RAD51B: variants seen among roughly 807,000 people sequenced by gnomAD.
RAD51B encodes the protein DNA repair protein RAD51 homolog 2.
A neutral mutation model predicts 42.2 loss-of-function variants in RAD51B; 38 were observed. That is an observed-to-expected ratio of 0.90 (90% confidence interval 0.70 to 1.18). RAD51B has a LOEUF of 1.18. Ranked by LOEUF, RAD51B falls within the 50% of genes most tolerant of loss-of-function variation. RAD51B has a pLI of 0.00. For synonymous variants in RAD51B, 154 were observed against 145.2 expected (o/e 1.06, Z -0.43); for missense variants, 373 against 400.7 (o/e 0.93, Z 0.59).
chr14:68,015,629 T>C (rs1203426384), intron 7 of RAD51B, among the ~76,000 whole-genome samples: 2 of 152,104 alleles, frequency 1.3e-5, no homozygotes, highest in Non-Finnish European at 2.9e-5. Flanking sequence ...GAGAACAGCA[T>C]GGGAAAAAAC....
chr14:68,286,166 T>G (rs2081411748), intron 7 of RAD51B, among the ~76,000 whole-genome samples: 1 of 152,200 alleles, frequency 6.6e-6, no homozygotes, highest in African/African-American at 2.4e-5. Flanking sequence ...TTCTCTCTCT[T>G]CTCCTGTGTC....
At position 68,663,788 on chromosome 14, in the gene RAD51B, T is replaced by C. The variant is rs1892981882; in HGVS notation, c.*11+12932T>C. ...TGGTCTAACTAACCAGGATTGAACT[T>C]GATTTCCACCGCTTTCCAGCTATAG... is the stretch of plus-strand genomic sequence containing the variant. On this transcript the variant is annotated intron_variant, in intron 11 of 11. Transcript: ENST00000488612. 2.6e-5 allele frequency among the ~76,000 whole-genome samples: 4 copies of C among 152,224 alleles called. No homozygotes were observed. The South Asian group carries it at 8.3e-4, about 32-fold the overall frequency.
At chr14:68,633,708 G>A (rs56306652) in intron 10 of RAD51B, among the ~76,000 whole-genome samples, 1 of 152,256 alleles carries the variant, frequency 6.6e-6, no homozygotes. Context: ...TCCTGAAGCA[G>A]GGAAGCCTGT....
At position 68,655,865 on chromosome 14, in the gene RAD51B, C is replaced by T. The variant is rs558882105; in HGVS notation, c.*11+5009C>T. On this transcript the variant is annotated intron_variant, in intron 11 of 11. Transcript: ENST00000488612. ...GCTAGTGGCTGGCTAAGGAGGAAATCGAGACTATAATTTCCCAGCCTCTAC... is the reference window on the plus strand; with the variant it reads ...GCTAGTGGCTGGCTAAGGAGGAAATTGAGACTATAATTTCCCAGCCTCTAC... Among the ~76,000 whole-genome samples, 5 of 152,272 alleles carry T rather than the reference C, an allele frequency of 3.3e-5. No homozygotes were observed. In the East Asian group the frequency reaches 7.7e-4, roughly 23 times the overall value.
chr14:68,498,654 C>T (rs1478946892), intron 10 of RAD51B, among the ~76,000 whole-genome samples: 2 of 152,178 alleles, frequency 1.3e-5, no homozygotes, highest in African/African-American at 4.8e-5. Flanking sequence ...TTCATAGATG[C>T]TCTTGAAGGG....
intron 7 of RAD51B, among the ~76,000 whole-genome samples, chr14:68,006,107 G>A (rs1329908098): frequency 6.6e-6 from 1 of 152,138 alleles, no homozygotes; most frequent in African/African-American, 2.4e-5. Flanking sequence ...CTTCCACCAG[G>A]CCCCACCTCC....
intron 7 of RAD51B, among the ~76,000 whole-genome samples, chr14:68,242,662 T>C (rs2080415456): frequency 6.6e-6 from 1 of 152,206 alleles, no homozygotes; most frequent in Non-Finnish European, 1.5e-5. Flanking sequence ...AAGAATAATA[T>C]TATAGCCACA....
At chr14:68,125,744 G>GT (rs1401279096) in intron 7 of RAD51B, among the ~76,000 whole-genome samples, 11 of 143,220 alleles carry the variant, frequency 7.7e-5, no homozygotes, top group African/African-American at 3.0e-4. Context: ...AGAGGTTTTT[G>GT]TTTTGTTTTG....
chr14:67,899,255 T>C (rs367954025), intron 7 of RAD51B, among the ~76,000 whole-genome samples: 3 of 151,844 alleles, frequency 2.0e-5, no homozygotes, highest in Non-Finnish European at 4.4e-5. Flanking sequence ...TTCACCATGT[T>C]AGCCAGGATG....
At chr14:68,401,513 C>A (rs1402111036) in intron 8 of RAD51B, among the ~76,000 whole-genome samples, 1 of 152,176 alleles carries the variant, frequency 6.6e-6, no homozygotes, top group Non-Finnish European at 1.5e-5. Flanking sequence ...TGCCTCACTT[C>A]TTCCTGTCTT....
chr14:68,087,451 A>G (rs2077001929), intron 7 of RAD51B, among the ~76,000 whole-genome samples: 3 of 152,184 alleles, frequency 2.0e-5, no homozygotes, highest in Non-Finnish European at 4.4e-5. Flanking sequence ...TGACTGGTCT[A>G]TATGATGGAT....
chr14:68,065,947 C>A (rs549051167), intron 7 of RAD51B, among the ~76,000 whole-genome samples: 6 of 152,062 alleles, frequency 3.9e-5, no homozygotes, highest in African/African-American at 1.4e-4. Flanking sequence ...ATATCAGAAG[C>A]TTTACATTGT....
intron 7 of RAD51B, among the ~76,000 whole-genome samples, chr14:68,238,277 C>CTTAGT (rs1286146153): frequency 6.6e-6 from 1 of 151,980 alleles, no homozygotes; most frequent in East Asian, 1.9e-4. Flanking sequence ...AATAGAATTC[C>CTTAGT]TTAGTTTAGT....
chr14:67,985,923 A>G (rs571359778), intron 7 of RAD51B, among the ~76,000 whole-genome samples: 2 of 152,188 alleles, frequency 1.3e-5, no homozygotes, highest in Admixed American at 1.3e-4. Context: ...TAAATAAATA[A>G]TAAGAAAGAA....
intron 11 of RAD51B, among the ~76,000 whole-genome samples, chr14:68,659,033 A>G (rs1892880264): frequency 6.6e-6 from 1 of 152,110 alleles, no homozygotes; most frequent in African/African-American, 2.4e-5. Context: ...ATAACATGCC[A>G]CCAAGCCCAA....
chr14:68,328,671 C>G (rs1358896088), intron 8 of RAD51B, among the ~76,000 whole-genome samples: 1 of 152,230 alleles, frequency 6.6e-6, no homozygotes, highest in Admixed American at 6.5e-5. Context: ...GAACTTGGGT[C>G]AGACCAAACG....
intron 7 of RAD51B, among the ~76,000 whole-genome samples, chr14:67,924,517 C>A (rs781160749): frequency 6.6e-6 from 1 of 152,138 alleles, no homozygotes; most frequent in Non-Finnish European, 1.5e-5. Flanking sequence ...CTGGGGAAGC[C>A]GCACAATCAT....
intron 7 of RAD51B, among the ~76,000 whole-genome samples, chr14:67,912,183 A>G (rs943986126): frequency 2.6e-5 from 4 of 152,202 alleles, no homozygotes; most frequent in African/African-American, 9.7e-5. Context: ...TCAATTCACA[A>G]ATTAGATTAT....
intron 7 of RAD51B, among the ~76,000 whole-genome samples, chr14:68,250,781 G>A (rs111779930): frequency 7.2e-4 from 109 of 152,302 alleles, no homozygotes; most frequent in Non-Finnish European, 1.2e-3. Flanking sequence ...AAGAAAAAAG[G>A]AGAGTAGAGC....
Sources: allele counts gnomAD v4.1 joint callset (sites outside exome capture counted in the v4.1 genomes callset), GRCh38; gene constraint gnomAD v4.1.1; transcripts MANE v1.5; gene names NCBI Gene and HGNC (gene_info 2026-07-23, HGNC 2026-07-21).